Variants in BNC2 observed in about 807,000 individuals in gnomAD.
BNC2 encodes zinc finger protein basonuclin-2.
In BNC2, 20 loss-of-function variants were observed where a neutral mutation model predicts 76.3. The observed-to-expected ratio is 0.26, with a 90% CI of 0.18 to 0.38. The LOEUF is 0.38. BNC2 is among the 10% of genes least tolerant of loss of function. The pLI, the probability that BNC2 is intolerant of heterozygous loss-of-function variation, is 1.00. For synonymous variants in BNC2, 582 were observed against 514.8 expected (o/e 1.13, Z -1.77); for missense variants, 1,382 against 1,399.8 (o/e 0.99, Z 0.20).
chr9:16,568,670 T>TG (rs1223910685), intron 4 of BNC2, among the ~76,000 whole-genome samples: 1 of 152,152 alleles, frequency 6.6e-6, no homozygotes, highest in African/African-American at 2.4e-5. Flanking sequence ...GGCAAAGACT[T>TG]AGTCTACTCT....
intron 3 of BNC2, among the ~76,000 whole-genome samples, chr9:16,709,903 A>T (rs1159884058): frequency 2.0e-5 from 3 of 152,136 alleles, no homozygotes; most frequent in Non-Finnish European, 4.4e-5. Flanking sequence ...TATGAAGGGG[A>T]AAAGTGGTTA....
At chr9:16,719,656 C>G (rs1824090697) in intron 3 of BNC2, among the ~76,000 whole-genome samples, 1 of 152,168 alleles carries the variant, frequency 6.6e-6, no homozygotes, top group Non-Finnish European at 1.5e-5. Context: ...TCAGTCTTGT[C>G]AATTTTAACA....
chr9:16,583,170 T>A (rs546333047), intron 3 of BNC2, 85 bp from the exon 4 acceptor site: 1 of 1,147,310 alleles, frequency 8.7e-7, no homozygotes, highest in Non-Finnish European at 1.3e-6. Flanking sequence ...ATTGCCCACT[T>A]CTATTTTTAA....
At chr9:16,772,517 C>A (rs1470090271) in intron 1 of BNC2, among the ~76,000 whole-genome samples, 1 of 151,964 alleles carries the variant, frequency 6.6e-6, no homozygotes, top group East Asian at 1.9e-4. Flanking sequence ...AGATGAAAAC[C>A]TTTTGCATTT....
chr9:16,721,122 G>A (rs4961738), intron 3 of BNC2, among the ~76,000 whole-genome samples: 40,446 of 152,064 alleles, frequency 0.27, 7,909 homozygotes, highest in East Asian at 0.65. Flanking sequence ...GGATGTCATG[G>A]CCCCAGACAT....
intron 1 of BNC2, among the ~76,000 whole-genome samples, chr9:16,836,035 T>G (rs988599875): frequency 6.6e-5 from 10 of 152,176 alleles, no homozygotes; most frequent in Non-Finnish European, 1.5e-4. Flanking sequence ...TATTTTCATC[T>G]GGTTATAACA....
chr9:16,653,618 G>C (rs974276706), intron 3 of BNC2, among the ~76,000 whole-genome samples: 2 of 152,140 alleles, frequency 1.3e-5, no homozygotes, highest in African/African-American at 2.4e-5. Flanking sequence ...AGCAGGCATC[G>C]GTTTCTCTCT....
At chr9:16,704,125 T>C (rs1262912364) in intron 3 of BNC2, among the ~76,000 whole-genome samples, 5 of 152,204 alleles carry the variant, frequency 3.3e-5, no homozygotes, top group Non-Finnish European at 5.9e-5. Flanking sequence ...GAATATTTTA[T>C]AAAGGCACAC....
In BNC2 at chr9:16,451,163, T is replaced by G. The variant is rs73415448; in HGVS notation, c.670-13639A>C. 2.4e-3 allele frequency among the ~76,000 whole-genome samples: 358 copies of G among 152,184 alleles called. 2 individuals are homozygous for G. Among genetic ancestry groups the G allele is most frequent in the African/African-American group, 8.4e-3 (350 of 41,506 alleles). On this transcript the variant is annotated intron_variant, in intron 5 of 6. Coordinates refer to ENST00000380672, the MANE Select transcript of BNC2 (RefSeq NM_017637.6). ...AATAATGTGTGTTTAGGGGAGACAATTAAGAGAGATAAACTCATGGTGCCA... is the reference window on the plus strand; with the variant it reads ...AATAATGTGTGTTTAGGGGAGACAAGTAAGAGAGATAAACTCATGGTGCCA...
chr9:16,726,867 C>T (rs1053737329), intron 3 of BNC2: 1 of 152,314 alleles, frequency 6.6e-6, no homozygotes, highest in African/African-American at 2.4e-5. Flanking sequence ...CCCTTCGCTT[C>T]CTCTCACCCT....
chr9:16,601,038 A>G (rs1003508043), intron 3 of BNC2, among the ~76,000 whole-genome samples: 1 of 152,212 alleles, frequency 6.6e-6, no homozygotes, highest in African/African-American at 2.4e-5. Context: ...AGGAGTCTGT[A>G]AATTAAAGGT....
chr9:16,448,079 A>G lies in BNC2; in HGVS notation c.670-10555T>C, dbSNP rs564800825. ...GCCTTGTTTTCTTGTCCACTCAGACATAAAGATAAATCCCTGGTCTTAGGA... is the reference window on the plus strand; with the variant it reads ...GCCTTGTTTTCTTGTCCACTCAGACGTAAAGATAAATCCCTGGTCTTAGGA... On this transcript the variant is annotated intron_variant, in intron 5 of 6. Coordinates refer to ENST00000380672, the MANE Select transcript of BNC2 (RefSeq NM_017637.6). 2.6e-5 allele frequency among the ~76,000 whole-genome samples: 4 copies of G among 152,256 alleles called. No homozygotes were observed. In the South Asian group the frequency reaches 8.3e-4, roughly 32 times the overall value.
intron 5 of BNC2, among the ~76,000 whole-genome samples, chr9:16,454,580 A>G (rs1405367790): frequency 6.6e-6 from 1 of 152,336 alleles, no homozygotes; most frequent in East Asian, 1.9e-4. Flanking sequence ...CTGGGATTAC[A>G]GGCGTGAGCC....
At position 16,435,677 on chromosome 9, in the gene BNC2, C is replaced by G; in HGVS notation, c.2517G>C (p.Lys839Asn). ...CACTGTAGGAGCTTTTGAAACTCTT[C>G]TTGCACACATAACAGATTTTGGGGT... Reference protein sequence around the residue: ...SPDPKICYVCKKSFKSSYSVK... With the variant: ...SPDPKICYVCNKSFKSSYSVK... The change falls in exon 6 of 7, where the codon AAG becomes AAC. Residue 839 changes from lysine (K) to asparagine (N), a missense_variant. By Grantham distance (94) the Lys-to-Asn change is moderately conservative. Coordinates refer to ENST00000380672, the MANE Select transcript of BNC2 (RefSeq NM_017637.6). 3.7e-6 allele frequency: 6 copies of G among 1,614,136 alleles called. No individual in the cohort carries two copies. Among genetic ancestry groups the G allele is most frequent in the Non-Finnish European group, 5.1e-6 (6 of 1,180,018 alleles).
At chr9:16,799,696 A>G (rs1817736788) in intron 1 of BNC2, among the ~76,000 whole-genome samples, 1 of 152,206 alleles carries the variant, frequency 6.6e-6, no homozygotes, top group African/African-American at 2.4e-5. Flanking sequence ...CTAACTACAT[A>G]AAAAATGCAT....
At chr9:16,615,516 CA>C (rs1361234576) in intron 3 of BNC2, among the ~76,000 whole-genome samples, 1 of 152,206 alleles carries the variant, frequency 6.6e-6, no homozygotes, top group East Asian at 1.9e-4. Context: ...GGAAGGACAT[CA>C]AAAGGAATCT....
chr9:16,764,623 T>C (rs909353316), intron 1 of BNC2, among the ~76,000 whole-genome samples: 3 of 152,160 alleles, frequency 2.0e-5, no homozygotes, highest in African/African-American at 7.2e-5. Flanking sequence ...ATAGAAAACA[T>C]ATAATAATTA....
At chr9:16,802,857 G>C (rs1817816357) in intron 1 of BNC2, among the ~76,000 whole-genome samples, 1 of 152,148 alleles carries the variant, frequency 6.6e-6, no homozygotes, top group Non-Finnish European at 1.5e-5. Flanking sequence ...TCATTTTCTT[G>C]ACCAAATGGA....
intron 3 of BNC2, among the ~76,000 whole-genome samples, chr9:16,712,128 G>C (rs1454794671): frequency 2.6e-5 from 4 of 152,140 alleles, no homozygotes; most frequent in Non-Finnish European, 4.4e-5. Flanking sequence ...ACTGCACTGT[G>C]GTGTCACAAA....
Sources: allele counts gnomAD v4.1 joint callset (sites outside exome capture counted in the v4.1 genomes callset), GRCh38; gene constraint gnomAD v4.1.1; transcripts MANE v1.5; gene names NCBI Gene and HGNC (gene_info 2026-07-23, HGNC 2026-07-21).